ADARB2: variants seen among roughly 807,000 people sequenced by gnomAD.
ADARB2 encodes inactive double-stranded RNA-specific editase B2.
A neutral mutation model predicts 62.2 loss-of-function variants in ADARB2; 25 were observed. That is an observed-to-expected ratio of 0.40 (90% CI 0.29 to 0.56). ADARB2 has a LOEUF of 0.56. Ranked by LOEUF, ADARB2 falls within the 20% of genes least tolerant of loss-of-function variation. The pLI is 0.43. For synonymous variants in ADARB2, 572 were observed against 500.8 expected, an observed-to-expected ratio of 1.14 and a Z score of -1.90; for missense variants, 1,071 against 1,077.4, an observed-to-expected ratio of 0.99 and a Z score of 0.08.
At chr10:1,559,326 G>A (rs1052416308) in intron 1 of ADARB2, among the ~76,000 whole-genome samples, 1 of 152,212 alleles carries the variant, frequency 6.6e-6, no homozygotes, top group Non-Finnish European at 1.5e-5. Flanking sequence ...AGCTGTCCCC[G>A]ACAAGGTGTC....
At chr10:1,459,219 CGCACGTGTATGTTCACTGCA>C (rs374419874) in intron 1 of ADARB2, among the ~76,000 whole-genome samples, 47 of 152,240 alleles carry the variant, frequency 3.1e-4, no homozygotes, top group Middle Eastern at 3.4e-3. Context: ...TAAAGACGTA[CGCACGTGTATGTTCACTGCA>C]GCACTACTCA....
At chr10:1,227,018 G>C (rs1358153347) in intron 6 of ADARB2, among the ~76,000 whole-genome samples, 1 of 152,252 alleles carries the variant, frequency 6.6e-6, no homozygotes, top group Non-Finnish European at 1.5e-5. Flanking sequence ...TATAGAGGCA[G>C]GCAGGCCTCC....
intron 1 of ADARB2, among the ~76,000 whole-genome samples, chr10:1,408,298 G>A (rs1006633240): frequency 2.6e-5 from 4 of 152,098 alleles, no homozygotes; most frequent in Admixed American, 6.5e-5. Context: ...CAGCATGGTC[G>A]ACCATTCCCA....
chr10:1,659,040 C>T (rs1834210260), intron 1 of ADARB2, among the ~76,000 whole-genome samples: 1 of 152,164 alleles, frequency 6.6e-6, no homozygotes, highest in Non-Finnish European at 1.5e-5. Context: ...GTCAAATTAG[C>T]AGCTTTGCAA....
chr10:1,388,789 G>A (rs1364055552), intron 1 of ADARB2, among the ~76,000 whole-genome samples: 1 of 152,106 alleles, frequency 6.6e-6, no homozygotes, highest in Non-Finnish European at 1.5e-5. Context: ...AATATCAACT[G>A]TCCCCTAATT....
At chr10:1,528,201 A>G (rs573528462) in intron 1 of ADARB2, among the ~76,000 whole-genome samples, 2 of 152,324 alleles carry the variant, frequency 1.3e-5, no homozygotes, top group African/African-American at 2.4e-5. Flanking sequence ...CATTAATGTT[A>G]CTGTGCGATA....
At chr10:1,736,955 G>T in intron 1 of ADARB2, 96 bp downstream of exon 1, 1 of 1,281,344 alleles carries the variant, frequency 7.8e-7, no homozygotes, top group Non-Finnish European at 1.1e-6. Context: ...AAGTGAAGCT[G>T]CTCACAACGG....
rs1832952975 is a variant in ADARB2, at chr10:1,572,282, GATGAGTGAACAGGTGAGCTT to G, written c.100+164749_100+164768del. Reference sequence around the variant, plus strand: ...TGGTGAGAAGGCAGGTGAGTGTGAAGATGAGTGAACAGGTGAGCTTGCAGGTGCGTGTGCAGGTGAGTGGG... The same window carrying G: ...TGGTGAGAAGGCAGGTGAGTGTGAAGGCAGGTGCGTGTGCAGGTGAGTGGG... On this transcript the variant is annotated intron_variant, in intron 1 of 9. Coordinates refer to ENST00000381312, the MANE Select transcript of ADARB2 (RefSeq NM_018702.4). Among the ~76,000 whole-genome samples the G allele has an allele frequency of 3.3e-5, 5 of 152,084 alleles. No homozygotes were observed. The South Asian group carries it at 1.0e-3, about 32-fold the overall frequency.
intron 1 of ADARB2, among the ~76,000 whole-genome samples, chr10:1,732,328 A>AAACC (rs1554739400): frequency 6.8e-6 from 1 of 146,836 alleles, no homozygotes; most frequent in Non-Finnish European, 1.5e-5. Context: ...AAAAAAAAAA[A>AAACC]AATTTCCTTT....
chr10:1,211,996 C>T (rs935788231), intron 7 of ADARB2, among the ~76,000 whole-genome samples: 2 of 152,228 alleles, frequency 1.3e-5, no homozygotes, highest in Admixed American at 6.5e-5. Flanking sequence ...GGCTCCTGTG[C>T]ATCCTGCGCC....
chr10:1,685,598 A>G (rs761394070), intron 1 of ADARB2, among the ~76,000 whole-genome samples: 19 of 152,228 alleles, frequency 1.2e-4, no homozygotes, highest in Non-Finnish European at 5.9e-5. Flanking sequence ...GAAATAACTC[A>G]AAGCCATTGT....
chr10:1,303,279 C>T (rs1831592927), intron 3 of ADARB2, among the ~76,000 whole-genome samples: 1 of 151,758 alleles, frequency 6.6e-6, no homozygotes, highest in African/African-American at 2.4e-5. Flanking sequence ...AGGGTATCAG[C>T]AATGGAAGAT....
At chr10:1,573,595 C>G (rs1237068483) in intron 1 of ADARB2, among the ~76,000 whole-genome samples, 1 of 152,214 alleles carries the variant, frequency 6.6e-6, no homozygotes, top group African/African-American at 2.4e-5. Flanking sequence ...GCGGCCTCCC[C>G]CTTCCCCTCC....
intron 1 of ADARB2, among the ~76,000 whole-genome samples, chr10:1,539,564 C>T (rs888459929): frequency 6.6e-6 from 1 of 152,192 alleles, no homozygotes; most frequent in African/African-American, 2.4e-5. Context: ...GAGGGTACAC[C>T]GGAAATTGGG....
At chr10:1,591,415 C>T (rs1231056435) in intron 1 of ADARB2, among the ~76,000 whole-genome samples, 1 of 152,146 alleles carries the variant, frequency 6.6e-6, no homozygotes, top group Non-Finnish European at 1.5e-5. Context: ...TGAGGGTCTA[C>T]AGCTGCATTA....
At chr10:1,395,171 G>A (rs187523094) in intron 1 of ADARB2, among the ~76,000 whole-genome samples, 32 of 152,298 alleles carry the variant, frequency 2.1e-4, no homozygotes, top group Middle Eastern at 3.4e-3. Flanking sequence ...GTGAGCCACC[G>A]TGCCTGGCCA....
At chr10:1,611,568 T>A (rs1031048921) in intron 1 of ADARB2, among the ~76,000 whole-genome samples, 2 of 152,122 alleles carry the variant, frequency 1.3e-5, no homozygotes, top group African/African-American at 2.4e-5. Context: ...TCCACTCACA[T>A]CCTTAATGCA....
chr10:1,355,606 A>T (rs1203285333), intron 3 of ADARB2, among the ~76,000 whole-genome samples: 2 of 152,256 alleles, frequency 1.3e-5, no homozygotes, highest in Admixed American at 6.5e-5. Context: ...CAAGTGGTGA[A>T]GCTTGGCTCA....
chr10:1,470,368 C>G (rs1313974817), intron 1 of ADARB2, among the ~76,000 whole-genome samples: 1 of 152,240 alleles, frequency 6.6e-6, no homozygotes, highest in Non-Finnish European at 1.5e-5. Flanking sequence ...ATATCCTTCG[C>G]TAAGATGCTG....
Sources: gnomAD v4.1 joint callset for allele counts (sites outside exome capture counted in the v4.1 genomes callset) on GRCh38, gnomAD v4.1.1 for gene constraint, MANE v1.5 for transcripts, NCBI Gene and HGNC (gene_info 2026-07-23, HGNC 2026-07-21) for gene names.